OCRL: variants seen among roughly 807,000 people sequenced by gnomAD.
The protein encoded by OCRL is OCRL inositol polyphosphate-5-phosphatase, also known as inositol polyphosphate 5-phosphatase OCRL.
Under a neutral mutation model 78.9 loss-of-function variants are expected in OCRL, and 8 were observed. The ratio of observed to expected loss-of-function variants is 0.10; its 90% CI spans 0.06 to 0.18. The LOEUF is 0.18. Among genes scored for constraint, OCRL ranks in the 10% least tolerant of loss-of-function variants. The probability of loss-of-function intolerance (pLI) is 1.00; values close to 1 mark genes in which losing one functional copy is unlikely to be tolerated. For synonymous variants in OCRL, 240 were observed against 235.4 expected (o/e 1.02, Z -0.18); for missense variants, 454 against 696.7 (o/e 0.65, Z 3.92).
In OCRL at chrX:129,590,640, G is replaced by A; in HGVS notation, c.*370G>A. The A allele has an allele frequency of 4.3e-6, 1 of 232,864 alleles. No individual in the cohort carries two copies. The highest frequency in any genetic ancestry group is 5.2e-5 in the South Asian group (1 of 19,071). The allele number at this position is 232,864 out of a possible 1,213,427, so 19.2% of individuals were successfully genotyped here. A position where few individuals can be genotyped will look rare whatever the true frequency, so the allele number is the denominator to read the frequency against. ...AGATCTTCCCATTCTAGGCCTACAA[G>A]CACTACTTGCTGTAGCTGAGACTTG... On this transcript the variant is annotated 3_prime_UTR_variant, in exon 24 of 24. Transcript: ENST00000371113.
chrX:129,542,423 T>TATATAAACTATAGTTTTAAATAC (rs200145165), intron 2 of OCRL, among the ~76,000 whole-genome samples: 1 of 110,543 alleles, frequency 9.0e-6, no homozygotes, highest in African/African-American at 3.3e-5. Flanking sequence ...GTTTTAAATA[T>TATATAAACTATAGTTTTAAATAC]ATATAAACTA....
At chrX:129,542,053 G>T (rs1158543539) in intron 2 of OCRL, among the ~76,000 whole-genome samples, 1 of 112,148 alleles carries the variant, frequency 8.9e-6, no homozygotes, top group African/African-American at 3.2e-5. Flanking sequence ...ATTTCCAAAG[G>T]CTAGAGTGGG....
intron 3 of OCRL, among the ~76,000 whole-genome samples, chrX:129,546,377 A>G (rs1297103866): frequency 1.8e-5 from 2 of 112,481 alleles, no homozygotes; most frequent in African/African-American, 6.5e-5. Flanking sequence ...TTTCACTAGT[A>G]TCAATAGTAA....
chrX:129,560,940 T>C (rs1195936070), intron 9 of OCRL, among the ~76,000 whole-genome samples: 38 of 112,743 alleles, frequency 3.4e-4, no homozygotes, highest in Non-Finnish European at 1.9e-4. Flanking sequence ...AAAGCTCTGC[T>C]GTTATCCTCT....
intron 10 of OCRL, among the ~76,000 whole-genome samples, chrX:129,561,631 C>T (rs1602784541): frequency 1.8e-5 from 2 of 111,851 alleles, no homozygotes; most frequent in Admixed American, 9.5e-5. Flanking sequence ...CAATATGAAA[C>T]GTGGGCGCAT....
chrX:129,582,387 C>G (rs777927343), intron 18 of OCRL, among the ~76,000 whole-genome samples: 26 of 112,591 alleles, frequency 2.3e-4, no homozygotes, highest in Non-Finnish European at 4.1e-4. Context: ...ATTGCCTTCC[C>G]CTGCAAAGGC....
intron 18 of OCRL, 101 bp from the exon 19 acceptor site, chrX:129,584,243 G>A (rs1936481334): frequency 1.0e-5 from 7 of 701,610 alleles, no homozygotes; most frequent in Non-Finnish European, 1.1e-5. Context: ...TGTATATCTG[G>A]TAAGATAGTG....
chrX:129,569,129 G>A (rs1382735545), intron 14 of OCRL, 135 bp from the exon 15 acceptor site: 1 of 715,566 alleles, frequency 1.4e-6, no homozygotes. Flanking sequence ...GATGACAGGG[G>A]TTGTTAGGGA....
chrX:129,549,860 A>G (rs888462474), intron 4 of OCRL: 4 of 112,413 alleles, frequency 3.6e-5, no homozygotes, highest in African/African-American at 1.3e-4. Flanking sequence ...CCGCTTCTAC[A>G]TTAGCCATGT....
intron 7 of OCRL, 28 bp from the exon 8 acceptor site, chrX:129,558,812 A>G: frequency 3.3e-6 from 4 of 1,211,836 alleles, no homozygotes; most frequent in South Asian, 1.8e-5. Context: ...AAACAATTTT[A>G]CTTTTGAATC....
chrX:129,580,553 A>C (rs1169434342), intron 18 of OCRL, among the ~76,000 whole-genome samples: 1 of 112,458 alleles, frequency 8.9e-6, no homozygotes, highest in Non-Finnish European at 1.9e-5. Context: ...AGAATGGACT[A>C]ATTGAAAGGA....
At chrX:129,545,210 T>C (rs1172263597) in intron 3 of OCRL, among the ~76,000 whole-genome samples, 173 bp downstream of exon 3, 1 of 112,819 alleles carries the variant, frequency 8.9e-6, no homozygotes, top group Non-Finnish European at 1.9e-5. Flanking sequence ...TGCTGAAGGG[T>C]TATATCGAAA....
intron 3 of OCRL, among the ~76,000 whole-genome samples, chrX:129,548,036 G>C (rs1338219341): frequency 8.9e-6 from 1 of 112,035 alleles, no homozygotes; most frequent in Non-Finnish European, 1.9e-5. Flanking sequence ...CCCACAGGTA[G>C]TAGTTGTAAC....
chrX:129,587,937 C>A (rs1936535463), intron 20 of OCRL, among the ~76,000 whole-genome samples: 1 of 111,341 alleles, frequency 9.0e-6, no homozygotes, highest in African/African-American at 3.3e-5. Flanking sequence ...ATCTAGTCCC[C>A]TGCCTTATTA....
rs775197403 is a variant in OCRL, at chrX:129,584,670, G to C, written c.2139+303G>C. ...TGTATCTGAATGCTCATGAATTGGAGGGGGGTACCAGTTAGCTGTCCTCCA... is the reference window on the plus strand; with the variant it reads ...TGTATCTGAATGCTCATGAATTGGACGGGGGTACCAGTTAGCTGTCCTCCA... On this transcript the variant is annotated intron_variant, in intron 19 of 23. Transcript: ENST00000371113. Among the ~76,000 whole-genome samples, 5 of 112,184 alleles carry C rather than the reference G, an allele frequency of 4.5e-5. No homozygotes were observed. The East Asian group carries it at 1.4e-3, about 31-fold the overall frequency.
chrX:129,573,594 G>T (rs911383751), intron 15 of OCRL, among the ~76,000 whole-genome samples: 1 of 111,495 alleles, frequency 9.0e-6, no homozygotes, highest in African/African-American at 3.3e-5. Context: ...TTGCTCTGTT[G>T]CCCAGGCTGG....
At chrX:129,582,332 A>G (rs1936453875) in intron 18 of OCRL, among the ~76,000 whole-genome samples, 1 of 112,373 alleles carries the variant, frequency 8.9e-6, no homozygotes, top group African/African-American at 3.2e-5. Context: ...GTTGCAAATC[A>G]GAGTCAGGGA....
At chrX:129,543,555 C>T (rs1935838448) in intron 2 of OCRL, among the ~76,000 whole-genome samples, 1 of 113,165 alleles carries the variant, frequency 8.8e-6, no homozygotes, top group African/African-American at 3.2e-5. Context: ...GGGCCTGCCC[C>T]ATATTCCTGT....
chrX:129,581,589 CAA>C (rs1569462604), intron 18 of OCRL, among the ~76,000 whole-genome samples: 2 of 109,711 alleles, frequency 1.8e-5, no homozygotes, highest in African/African-American at 6.6e-5. Context: ...AGTATTTAAT[CAA>C]AGTCCTTTTG....
Sources: gnomAD v4.1 joint callset for allele counts (sites outside exome capture counted in the v4.1 genomes callset) on GRCh38, gnomAD v4.1.1 for gene constraint, MANE v1.5 for transcripts, NCBI Gene and HGNC (gene_info 2026-07-23, HGNC 2026-07-21) for gene names.